The following PHLPP1 variants were observed in gnomAD, a reference collection of about 807,000 sequenced individuals.
The protein encoded by PHLPP1 is PH domain and leucine rich repeat protein phosphatase 1.
Under a neutral mutation model 117.2 loss-of-function variants are expected in PHLPP1, and 42 were observed. The observed-to-expected ratio is 0.36, with a 90% CI of 0.28 to 0.46. PHLPP1 has a LOEUF of 0.46. PHLPP1 is among the 20% of genes least tolerant of loss of function. PHLPP1 has a pLI of 1.00. For missense variants in PHLPP1, 2,084 were observed against 2,241.9 expected (o/e 0.93, Z 1.42); for synonymous variants, 1,042 against 970.7 (o/e 1.07, Z -1.37).
chr18:62,791,528 T>C (rs1913457204), intron 1 of PHLPP1, among the ~76,000 whole-genome samples: 1 of 152,262 alleles, frequency 6.6e-6, no homozygotes. Context: ...TCTGACTTTA[T>C]TCAAGCTACA....
chr18:62,947,890 G>A (rs1910346412), intron 12 of PHLPP1, among the ~76,000 whole-genome samples: 1 of 152,090 alleles, frequency 6.6e-6, no homozygotes, highest in South Asian at 2.1e-4. Context: ...GCCAGGCATG[G>A]TGGTTGGCAC....
chr18:62,967,339 C>T (rs1462007320), intron 14 of PHLPP1, among the ~76,000 whole-genome samples: 1 of 152,134 alleles, frequency 6.6e-6, no homozygotes, highest in Non-Finnish European at 1.5e-5. Flanking sequence ...TCCAAAGTGC[C>T]TGTATCATTT....
Position 62,895,938 on chromosome 18 carries a change from T to C in PHLPP1, c.2371T>C (p.Ser791Pro). Reference sequence around the variant, plus strand: ...GACTGCTGTGGATAAACTTTGTATGTCTGGAAACTGTGTGGAGACCCTTAG... The same window carrying C: ...GACTGCTGTGGATAAACTTTGTATGCCTGGAAACTGTGTGGAGACCCTTAG... ...KLTAVDKLCM[S>P]GNCVETLRLQ... The change falls in exon 6 of 17, where the codon TCT becomes CCT. Residue 791 changes from serine to proline, a missense_variant. Coordinates refer to ENST00000262719, the MANE Select transcript of PHLPP1 (RefSeq NM_194449.4). The C allele has an allele frequency of 6.2e-7, 1 of 1,613,880 alleles. No homozygotes were observed. Among genetic ancestry groups the C allele is most frequent in the Non-Finnish European group, 8.5e-7 (1 of 1,179,798 alleles).
chr18:62,786,870 A>C (rs1321565386), intron 1 of PHLPP1, among the ~76,000 whole-genome samples: 1 of 152,192 alleles, frequency 6.6e-6, no homozygotes, highest in Non-Finnish European at 1.5e-5. Flanking sequence ...AAAATTTCTG[A>C]TGTAACATAA....
intron 1 of PHLPP1, among the ~76,000 whole-genome samples, chr18:62,807,321 G>A (rs1219113002): frequency 6.6e-6 from 1 of 151,794 alleles, no homozygotes; most frequent in African/African-American, 2.4e-5. Context: ...TAAAATTCAA[G>A]GACATAAAAT....
intron 10 of PHLPP1, among the ~76,000 whole-genome samples, chr18:62,940,474 C>T (rs991394385): frequency 2.0e-5 from 3 of 146,678 alleles, no homozygotes; most frequent in African/African-American, 5.0e-5. Flanking sequence ...ACGCCATTCT[C>T]CTGCCTCAGC....
chr18:62,874,732 G>T (rs1916005372), intron 4 of PHLPP1, among the ~76,000 whole-genome samples: 1 of 152,086 alleles, frequency 6.6e-6, no homozygotes, highest in Non-Finnish European at 1.5e-5. Context: ...CACTTGCCAT[G>T]TGGACACACT....
chr18:62,960,912 G>T (rs1170519165), intron 13 of PHLPP1, among the ~76,000 whole-genome samples: 2 of 152,144 alleles, frequency 1.3e-5, no homozygotes, highest in Non-Finnish European at 2.9e-5. Flanking sequence ...ACTTTTAGAG[G>T]GTTGGTTTGT....
chr18:62,757,351 A>C (rs1330968039), intron 1 of PHLPP1, among the ~76,000 whole-genome samples: 1 of 152,180 alleles, frequency 6.6e-6, no homozygotes, highest in Non-Finnish European at 1.5e-5. Context: ...TTTCTTGCTG[A>C]CTGTTAGAGA....
chr18:62,753,243 T>C (rs1013471431), intron 1 of PHLPP1, among the ~76,000 whole-genome samples: 3 of 152,234 alleles, frequency 2.0e-5, no homozygotes, highest in Non-Finnish European at 4.4e-5. Context: ...TCTTTTTTAA[T>C]ATGGGAAGCT....
At chr18:62,791,099 C>T (rs1359197009) in intron 1 of PHLPP1, among the ~76,000 whole-genome samples, 1 of 151,908 alleles carries the variant, frequency 6.6e-6, no homozygotes, top group Non-Finnish European at 1.5e-5. Context: ...CGACAGTTCC[C>T]AAGACAAGCA....
At chr18:62,898,185 T>C (rs1222046732) in intron 6 of PHLPP1, among the ~76,000 whole-genome samples, 1 of 152,226 alleles carries the variant, frequency 6.6e-6, no homozygotes, top group African/African-American at 2.4e-5. Context: ...TTTGACTTCT[T>C]GAGACCAGTT....
intron 4 of PHLPP1, among the ~76,000 whole-genome samples, chr18:62,868,000 C>G (rs114186063): frequency 5.7e-4 from 87 of 152,084 alleles, no homozygotes; most frequent in African/African-American, 2.0e-3. Context: ...TTAGTGGAGA[C>G]AAGGTTTCAC....
intron 1 of PHLPP1, among the ~76,000 whole-genome samples, chr18:62,729,991 GTA>G (rs1911183975): frequency 6.6e-6 from 1 of 152,192 alleles, no homozygotes; most frequent in African/African-American, 2.4e-5. Context: ...TATCACCCCA[GTA>G]TTACAGATAG....
At chr18:62,783,092 C>T (rs1400423736) in intron 1 of PHLPP1, among the ~76,000 whole-genome samples, 1 of 149,850 alleles carries the variant, frequency 6.7e-6, no homozygotes, top group Non-Finnish European at 1.5e-5. Context: ...GAAATGATAC[C>T]CATCAATGGT....
chr18:62,807,604 T>C (rs1460191695), intron 1 of PHLPP1, among the ~76,000 whole-genome samples: 7 of 152,232 alleles, frequency 4.6e-5, no homozygotes, highest in Admixed American at 4.6e-4. Flanking sequence ...CAAACCTAGA[T>C]GATACAGCTT....
At chr18:62,793,466 G>A (rs570350214) in intron 1 of PHLPP1, among the ~76,000 whole-genome samples, 6 of 152,268 alleles carry the variant, frequency 3.9e-5, no homozygotes, top group African/African-American at 1.2e-4. Context: ...ATAGTTTAGC[G>A]CTGGCCATTC....
chr18:62,827,744 TAA>T (rs1914648782), intron 1 of PHLPP1, among the ~76,000 whole-genome samples: 1 of 152,236 alleles, frequency 6.6e-6, no homozygotes, highest in Non-Finnish European at 1.5e-5. Flanking sequence ...GACTAGGGAA[TAA>T]AGAGCCAGTA....
At chr18:62,966,303 G>C (rs1248094232) in intron 14 of PHLPP1, among the ~76,000 whole-genome samples, 2 of 151,892 alleles carry the variant, frequency 1.3e-5, no homozygotes, top group Non-Finnish European at 2.9e-5. Flanking sequence ...TTATCCCTGA[G>C]CTCCTTAAAG....
Sources: gnomAD v4.1 joint callset for allele counts (sites outside exome capture counted in the v4.1 genomes callset) on GRCh38, gnomAD v4.1.1 for gene constraint, MANE v1.5 for transcripts, NCBI Gene and HGNC (gene_info 2026-07-23, HGNC 2026-07-21) for gene names.